Variants in KIF5A observed in about 807,000 individuals in gnomAD.
KIF5A encodes kinesin family member 5A, also known as kinesin heavy chain isoform 5A.
Under a neutral mutation model 141.3 loss-of-function variants are expected in KIF5A, and 35 were observed. That is an observed-to-expected ratio of 0.25 (90% CI 0.19 to 0.33). KIF5A has a LOEUF of 0.33. Ranked by LOEUF, KIF5A falls within the 10% of genes least tolerant of loss-of-function variation. KIF5A has a pLI of 1.00. For synonymous variants in KIF5A, 448 were observed against 500.2 expected (o/e 0.90, Z 1.39); for missense variants, 861 against 1,314.3 (o/e 0.66, Z 5.33).
intron 23 of KIF5A, among the ~76,000 whole-genome samples, chr12:57,579,866 T>C (rs976469153): frequency 7.9e-5 from 12 of 152,110 alleles, no homozygotes; most frequent in Admixed American, 1.3e-4. Flanking sequence ...TCCTTTATCG[T>C]CACTGAAGCC....
Position 57,572,526 on chromosome 12 carries a change from T to C in KIF5A, c.1570-54T>C. The C allele has an allele frequency of 6.2e-7, 1 of 1,612,580 alleles. No individual in the cohort carries two copies. The highest frequency in any genetic ancestry group is 8.5e-7 in the Non-Finnish European group (1 of 1,179,246). On this transcript the variant is annotated intron_variant, in intron 14 of 28. Coordinates refer to ENST00000455537, the MANE Select transcript of KIF5A (RefSeq NM_004984.4). This position sits in a 1 kb window ranked among gnomAD's most constrained non-coding sequence, Gnocchi z 4.2. ...TGAAGGGAGAGGCCTCTGCCTGGGC[T>C]GGGCAAGGGAGCAGGAGGATGGCAA... is the stretch of plus-strand genomic sequence containing the variant.
Position 57,585,406 on chromosome 12 carries a change from C to T in KIF5A, c.*1225C>T, listed in dbSNP as rs1280112356. ...GAGGTGGGAAGCTCTAAGGCTTGAC[C>T]CTGAGGGGTCTTCTCCCAGCCATTC... On this transcript the variant is annotated 3_prime_UTR_variant, in exon 29 of 29. Coordinates refer to ENST00000455537, the MANE Select transcript of KIF5A (RefSeq NM_004984.4). 1.3e-5 allele frequency: 2 copies of T among 154,346 alleles called. No homozygotes were observed. The highest frequency in any genetic ancestry group is 3.8e-4 in the East Asian group (2 of 5,198). 9.6% of individuals were successfully genotyped at this position (154,346 alleles called of 1,614,324 possible). A position where few individuals can be genotyped will look rare whatever the true frequency, so the allele number is the denominator to read the frequency against.
At chr12:57,584,004 G>A (rs1388492371) in intron 28 of KIF5A, among the ~76,000 whole-genome samples, 1 of 152,060 alleles carries the variant, frequency 6.6e-6, no homozygotes, top group Non-Finnish European at 1.5e-5. Flanking sequence ...AGAAAAGTCT[G>A]AGAAGCAGAG....
At chr12:57,571,976 G>A (rs922919797) in intron 13 of KIF5A, 85 bp from the exon 14 acceptor site, 5 of 1,120,180 alleles carry the variant, frequency 4.5e-6, no homozygotes, top group African/African-American at 1.5e-5. Context: ...TTTGGGTAGG[G>A]TGGGGGCTCA....
chr12:57,582,001 T>C (rs1386150183), intron 26 of KIF5A, 49 bp downstream of exon 26: 7 of 1,447,592 alleles, frequency 4.8e-6, no homozygotes, highest in Non-Finnish European at 6.8e-6. Context: ...TCAGGGCAAG[T>C]TGAGAGGCAT....
At chr12:57,565,060 G>A (rs1041878073) in intron 6 of KIF5A, 87 bp downstream of exon 6, 4 of 1,194,600 alleles carry the variant, frequency 3.3e-6, no homozygotes, top group Non-Finnish European at 5.0e-6. Context: ...CCCTGAAGTT[G>A]GAGGGTGGAT....
chr12:57,573,414 C>T (rs1257196953), intron 15 of KIF5A, among the ~76,000 whole-genome samples: 1 of 151,772 alleles, frequency 6.6e-6, no homozygotes, highest in Non-Finnish European at 1.5e-5. Context: ...ACCTATAGTA[C>T]CAGCTACTTG....
At chr12:57,576,235 C>T (rs1264635624) in intron 18 of KIF5A, 34 bp from the exon 19 acceptor site, 5 of 1,611,556 alleles carry the variant, frequency 3.1e-6, no homozygotes, top group Non-Finnish European at 4.2e-6. Context: ...TGCTGGGAGT[C>T]TGGCCTTTGA....
At chr12:57,559,918 G>A (rs895273075) in intron 1 of KIF5A, among the ~76,000 whole-genome samples, 5 of 152,130 alleles carry the variant, frequency 3.3e-5, no homozygotes, top group Non-Finnish European at 5.9e-5. Flanking sequence ...TTGGGACAGA[G>A]TTGCACTTTG....
Position 57,550,453 on chromosome 12 carries a change from C to T in KIF5A, c.129+53C>T, listed in dbSNP as rs1881535091. The T allele has an allele frequency of 6.3e-7, 1 of 1,596,924 alleles. No homozygotes were observed. The highest frequency in any genetic ancestry group is 1.3e-5 in the African/African-American group (1 of 74,548). On this transcript the variant is annotated intron_variant, in intron 1 of 28. Coordinates refer to ENST00000455537, the MANE Select transcript of KIF5A (RefSeq NM_004984.4). The surrounding 1 kb of genome is among the most constrained non-coding windows in gnomAD (Gnocchi z 4.6). ...GGAGGGGGCAGGTGGCTGAATCTCC[C>T]CGCCCCCCGCAGAGCCTTAGTCTCT...
rs1392035546 is a variant in KIF5A, at chr12:57,564,572, G to A, written c.445+64G>A. On this transcript the variant is annotated intron_variant, in intron 5 of 28. Coordinates refer to ENST00000455537, the MANE Select transcript of KIF5A (RefSeq NM_004984.4). ...GGGTGGAGAAAAGAAAGCTCACATTGCATTTGGAATTAGGTACCAATTGAC... is the reference window on the plus strand; with the variant it reads ...GGGTGGAGAAAAGAAAGCTCACATTACATTTGGAATTAGGTACCAATTGAC... 3.0e-5 allele frequency: 39 copies of A among 1,285,414 alleles called. No homozygotes were observed. The East Asian group carries it at 5.6e-4, about 18-fold the overall frequency. 79.6% of individuals were successfully genotyped at this position (1,285,414 alleles called of 1,614,324 possible). A position where few individuals can be genotyped will look rare whatever the true frequency, so the allele number is the denominator to read the frequency against.
intron 26 of KIF5A, among the ~76,000 whole-genome samples, chr12:57,582,175 T>C (rs974410623): frequency 5.9e-5 from 9 of 152,142 alleles, no homozygotes; most frequent in African/African-American, 1.4e-4. Flanking sequence ...GCTCAGGAGC[T>C]TAAGGCTGAA....
rs778543992 is a variant in KIF5A, at chr12:57,569,399, G to T, written c.963G>T (p.Gly321=). 3 of 1,613,852 alleles carry T rather than the reference G, an allele frequency of 1.9e-6. No individual in the cohort carries two copies. Among genetic ancestry groups the T allele is most frequent in the South Asian group, 2.2e-5 (2 of 91,064 alleles). ...DAETKSTLMF[G]QRAKTIKNTA... is the part of the protein sequence containing the mutation. Reference sequence around the variant, plus strand: ...AGACCAAGTCCACCCTGATGTTTGGGCAGCGGTCAGTGGCAGGGTCCCCAG... The same window carrying T: ...AGACCAAGTCCACCCTGATGTTTGGTCAGCGGTCAGTGGCAGGGTCCCCAG... The change falls in exon 10 of 29, where the codon GGG becomes GGT. Residue 321 remains glycine (G), a synonymous_variant. Transcript: ENST00000455537.
At chr12:57,583,033 A>T in intron 27 of KIF5A, 68 bp from the exon 28 acceptor site, 2 of 1,279,596 alleles carry the variant, frequency 1.6e-6, no homozygotes, top group East Asian at 4.9e-5. Flanking sequence ...CTCTCAGAGC[A>T]GAGTAACCAT....
intron 20 of KIF5A, 33 bp from the exon 21 acceptor site, chr12:57,577,680 A>G: frequency 6.4e-7 from 1 of 1,564,100 alleles, no homozygotes; most frequent in Non-Finnish European, 8.8e-7. Flanking sequence ...GTCCTGAGGG[A>G]TCTTTCCATT....
chr12:57,578,255 C>G lies in KIF5A; in HGVS notation c.2451C>G (p.Pro817=). ...GTTCTCAGAGTGCAGAAATGGAGCC[C>G]GAAGACAGTGGGGGGATTCACTCCC... The part of the protein sequence containing the change: ...TRVKKSAEME[P]EDSGGIHSQK... Residue 817 remains proline (P), a synonymous_variant, in exon 23 of 29, where the codon CCC becomes CCG. Coordinates refer to ENST00000455537, the MANE Select transcript of KIF5A (RefSeq NM_004984.4). 6.2e-7 allele frequency: 1 copy of G among 1,613,876 alleles called. No individual in the cohort carries two copies. Among genetic ancestry groups the G allele is most frequent in the East Asian group, 2.2e-5 (1 of 44,876 alleles).
At position 57,585,064 on chromosome 12, in the gene KIF5A, G is replaced by C. The variant is rs372797313; in HGVS notation, c.*883G>C. 6.6e-6 allele frequency: 1 copy of C among 152,296 alleles called. No individual in the cohort carries two copies. Among genetic ancestry groups the C allele is most frequent in the South Asian group, 2.1e-4 (1 of 4,826 alleles). The allele number at this position is 152,296 out of a possible 1,614,324, so 9.4% of individuals were successfully genotyped here. A position where few individuals can be genotyped will look rare whatever the true frequency, so the allele number is the denominator to read the frequency against. On this transcript the variant is annotated 3_prime_UTR_variant, in exon 29 of 29. Coordinates refer to ENST00000455537, the MANE Select transcript of KIF5A (RefSeq NM_004984.4). ...GGTTACAGGCAGGTGTAGTCAAAAT[G>C]ATTGATTCCTTGGGTTTGGGGGTGA...
rs557012523 is a variant in KIF5A at position 57,570,797 on chromosome 12, A to G, written c.1294-524A>G. Among the ~76,000 whole-genome samples the G allele has an allele frequency of 1.3e-5, 2 of 152,028 alleles. 1 individual carries two copies. The highest frequency in any genetic ancestry group is 4.2e-4 in the South Asian group (2 of 4,816). On this transcript the variant is annotated intron_variant, in intron 12 of 28. Coordinates refer to ENST00000455537, the MANE Select transcript of KIF5A (RefSeq NM_004984.4). ...ATTTTTATTTTCATTTATTATTATT[A>G]TTTTGCTTTGAGAGAAAGAGTCTTG...
At chr12:57,567,336 G>A in intron 7 of KIF5A, 123 bp downstream of exon 7, 1 of 1,222,646 alleles carries the variant, frequency 8.2e-7, no homozygotes, top group Admixed American at 1.9e-5. Flanking sequence ...AGGACCCCTT[G>A]TCTGTGGGAC....
Sources: allele counts gnomAD v4.1 joint callset (sites outside exome capture counted in the v4.1 genomes callset), GRCh38; gene constraint gnomAD v4.1.1; non-coding constraint Gnocchi (gnomAD v3.1); transcripts MANE v1.5; gene names NCBI Gene and HGNC (gene_info 2026-07-23, HGNC 2026-07-21).